C1orf74: variants seen among roughly 807,000 people sequenced by gnomAD.
C1orf74 encodes the protein chromosome 1 open reading frame 74.
Under a neutral mutation model 7.3 loss-of-function variants are expected in C1orf74, and 5 were observed. The observed-to-expected ratio is 0.68, with a 90% CI of 0.36 to 1.44. C1orf74 has a LOEUF of 1.44. Ranked by LOEUF, C1orf74 falls within the 40% of genes most tolerant of loss-of-function variation. C1orf74 has a pLI of 0.04. For missense variants in C1orf74, 291 were observed against 314.3 expected, an observed-to-expected ratio of 0.93 and a Z score of 0.56; for synonymous variants, 121 against 132.5, an observed-to-expected ratio of 0.91 and a Z score of 0.59.
rs1469224365 is a variant in C1orf74, at chr1:209,781,528, C to T, written c.*1297G>A. On this transcript the variant is annotated 3_prime_UTR_variant, in exon 2 of 2. Coordinates refer to ENST00000294811, the MANE Select transcript of C1orf74 (RefSeq NM_152485.4). The stretch of plus-strand genomic sequence containing the variant: ...ATTCCTTCTTTAACCAAGTTTTGCA[C>T]ATAAAATATATCAGCCCACGCCAAC... 3.4e-6 allele frequency: 4 copies of T among 1,185,246 alleles called. No individual in the cohort carries two copies. The highest frequency in any genetic ancestry group is 3.0e-5 in the African/African-American group (2 of 66,358). 73.4% of individuals were successfully genotyped at this position (1,185,246 alleles called of 1,614,324 possible).
chr1:209,779,808 A>T lies in C1orf74; in HGVS notation c.*3017T>A. 1 of 390,046 alleles carries T rather than the reference A, an allele frequency of 2.6e-6. No homozygotes were observed. Among genetic ancestry groups the T allele is most frequent in the East Asian group, 4.9e-5 (1 of 20,320 alleles). The allele number at this position is 390,046 out of a possible 1,614,324, so 24.2% of individuals were successfully genotyped here. On this transcript the variant is annotated 3_prime_UTR_variant, in exon 2 of 2. Transcript: ENST00000294811. ...AATTCACTGTGTATACAGAGGGGCAATAGCTCCTCACCTGTCCACTACACA... is the reference window on the plus strand; with the variant it reads ...AATTCACTGTGTATACAGAGGGGCATTAGCTCCTCACCTGTCCACTACACA...
Position 209,783,242 on chromosome 1 carries a change from C to G in C1orf74, c.393G>C (p.Gln131His). The change falls in exon 2 of 2, where the codon CAG (glutamine) becomes CAC (histidine). Residue 131 changes from glutamine (Q) to histidine (H), a missense_variant. Physicochemically the swap from Gln to His is conservative, Grantham distance 24. Coordinates refer to ENST00000294811, the MANE Select transcript of C1orf74 (RefSeq NM_152485.4). ...QRHPSVCSLDQLQDLKALVAE... is the reference protein window; with the variant it reads ...QRHPSVCSLDHLQDLKALVAE... ...CCACGAGGGCCTTCAAGTCCTGAAG[C>G]TGGTCCAGGGAGCAGACAGAAGGGT... is the stretch of plus-strand genomic sequence containing the variant. 1 of 1,614,202 alleles carries G rather than the reference C, an allele frequency of 6.2e-7. No homozygotes were observed. The highest frequency in any genetic ancestry group is 8.5e-7 in the Non-Finnish European group (1 of 1,180,040).
chr1:209,784,485 C>T lies in C1orf74; in HGVS notation c.-183G>A, dbSNP rs939755659. On this transcript the variant is annotated 5_prime_UTR_variant, in exon 1 of 2. In the 5' UTR this introduces an upstream ATG that the reference lacks. Coordinates refer to ENST00000294811, the MANE Select transcript of C1orf74 (RefSeq NM_152485.4). ...CCCCCACGCCCAGCCGCAAGTAACA[C>T]TGGAAAACCCGCCTGCGCTGGGAAG... is the stretch of plus-strand genomic sequence containing the variant. 1 of 152,274 alleles carries T rather than the reference C, an allele frequency of 6.6e-6. No individual in the cohort carries two copies. Among genetic ancestry groups the T allele is most frequent in the Non-Finnish European group, 1.5e-5 (1 of 68,052 alleles). 9.4% of individuals were successfully genotyped at this position (152,274 alleles called of 1,614,324 possible).
chr1:209,781,740 G>T lies in C1orf74; in HGVS notation c.*1085C>A, dbSNP rs1255696749. On this transcript the variant is annotated 3_prime_UTR_variant, in exon 2 of 2. Coordinates refer to ENST00000294811, the MANE Select transcript of C1orf74 (RefSeq NM_152485.4). ...TAGCCGATGATAAGCATGGTGGCAA[G>T]AACAGAAGGACACAAAAGTACTGGG... The T allele has an allele frequency of 2.1e-6, 1 of 485,098 alleles. No individual in the cohort carries two copies. The highest frequency in any genetic ancestry group is 3.7e-6 in the Non-Finnish European group (1 of 269,896). The allele number at this position is 485,098 out of a possible 1,614,324, so 30.0% of individuals were successfully genotyped here. A position where few individuals can be genotyped will look rare whatever the true frequency, so the allele number is the denominator to read the frequency against.
chr1:209,783,854 G>C (rs1365868090), intron 1 of C1orf74, 145 bp from the exon 2 acceptor site: 1 of 487,218 alleles, frequency 2.1e-6, no homozygotes, highest in Admixed American at 3.8e-5. Context: ...TGATTTTTCT[G>C]GTTGACTTGG....
In C1orf74 at chr1:209,781,461, AAG is replaced by A; in HGVS notation, c.*1362_*1363del. The A allele has an allele frequency of 6.2e-7, 1 of 1,607,386 alleles. No individual in the cohort carries two copies. Among genetic ancestry groups the A allele is most frequent in the East Asian group, 2.2e-5 (1 of 44,816 alleles). The stretch of plus-strand genomic sequence containing the variant: ...AGAGCCAGCAGCTGCCTCCCAGAGT[AAG>A]AGGGTCTCTCCTTCCCATAAAGCCC... On this transcript the variant is annotated 3_prime_UTR_variant, in exon 2 of 2. Coordinates refer to ENST00000294811, the MANE Select transcript of C1orf74 (RefSeq NM_152485.4).
In C1orf74 at chr1:209,782,232, T is replaced by C; in HGVS notation, c.*593A>G. ...CAGAAGGTTTGGGTACATTACAGCTTGGGTTTTCCAACTGACTTAGGATTT... is the reference window on the plus strand; with the variant it reads ...CAGAAGGTTTGGGTACATTACAGCTCGGGTTTTCCAACTGACTTAGGATTT... On this transcript the variant is annotated 3_prime_UTR_variant, in exon 2 of 2. Transcript: ENST00000294811. 9.1e-7 allele frequency: 1 copy of C among 1,098,744 alleles called. No individual in the cohort carries two copies. The allele number at this position is 1,098,744 out of a possible 1,614,324, so 68.1% of individuals were successfully genotyped here. A position where few individuals can be genotyped will look rare whatever the true frequency, so the allele number is the denominator to read the frequency against.
Position 209,783,304 on chromosome 1 carries a change from T to A in C1orf74, c.331A>T (p.Thr111Ser). ...CTGGAAACATCCACAAAGGCTATGG[T>A]ACCAAGCAGCACCTGCTCCAAGTGC... ...CQHLEQVLLG[T>S]IAFVDVSSCQ... The change falls in exon 2 of 2, where the codon ACC becomes TCC. Residue 111 changes from threonine (T) to serine (S), a missense_variant. By Grantham distance (58) the Thr-to-Ser change is moderately conservative. Transcript: ENST00000294811. 6.2e-7 allele frequency: 1 copy of A among 1,614,102 alleles called. No individual in the cohort carries two copies. Among genetic ancestry groups the A allele is most frequent in the Non-Finnish European group, 8.5e-7 (1 of 1,180,006 alleles).
Position 209,783,860 on chromosome 1 carries a change from C to T in C1orf74, c.-75-151G>A, listed in dbSNP as rs541635065. On this transcript the variant is annotated intron_variant, in intron 1 of 1. Coordinates refer to ENST00000294811, the MANE Select transcript of C1orf74 (RefSeq NM_152485.4). ...GATGCTGCTTGATTTTTCTGGTTGA[C>T]TTGGTCTCCCTCAATCATAAATTCG... Among the ~76,000 whole-genome samples the T allele has an allele frequency of 2.0e-5, 3 of 152,276 alleles. No individual in the cohort carries two copies. The South Asian group carries it at 6.2e-4, about 32-fold the overall frequency.
Position 209,782,264 on chromosome 1 carries a change from T to C in C1orf74, c.*561A>G. 1 of 762,666 alleles carries C rather than the reference T, an allele frequency of 1.3e-6. No individual in the cohort carries two copies. The highest frequency in any genetic ancestry group is 2.6e-5 in the East Asian group (1 of 38,870). 47.2% of individuals were successfully genotyped at this position (762,666 alleles called of 1,614,324 possible). A position where few individuals can be genotyped will look rare whatever the true frequency, so the allele number is the denominator to read the frequency against. ...TCCAACTGACTTAGGATTTCTGACT[T>C]TTTATTAATTTCTTAACCTACTGTA... On this transcript the variant is annotated 3_prime_UTR_variant, in exon 2 of 2. Coordinates refer to ENST00000294811, the MANE Select transcript of C1orf74 (RefSeq NM_152485.4).
rs1382056956 is a variant in C1orf74 at position 209,782,057 on chromosome 1, G to A, written c.*768C>T. On this transcript the variant is annotated 3_prime_UTR_variant, in exon 2 of 2. Transcript: ENST00000294811. The stretch of plus-strand genomic sequence containing the variant: ...TTCTGTCTCCCTGTCCCCCTACAGA[G>A]GCAATGTGGGCGATGGCTCCCAGTG... The A allele has an allele frequency of 4.3e-6, 7 of 1,613,558 alleles. No homozygotes were observed. The Admixed American group carries it at 5.0e-5, about 12-fold the overall frequency.
rs755560527 is a variant in C1orf74 at position 209,783,671 on chromosome 1, C to G, written c.-37G>C. ...TCCTTAGCTAGCCCGAGTTCCCTTCCCTGGGTGGCATCTTTCAGCCAGACA... is the reference window on the plus strand; with the variant it reads ...TCCTTAGCTAGCCCGAGTTCCCTTCGCTGGGTGGCATCTTTCAGCCAGACA... On this transcript the variant is annotated 5_prime_UTR_variant, in exon 2 of 2. Coordinates refer to ENST00000294811, the MANE Select transcript of C1orf74 (RefSeq NM_152485.4). The G allele has an allele frequency of 6.6e-7, 1 of 1,512,112 alleles. No individual in the cohort carries two copies. Among genetic ancestry groups the G allele is most frequent in the East Asian group, 2.3e-5 (1 of 44,056 alleles). The allele number at this position is 1,512,112 out of a possible 1,614,324, so 93.7% of individuals were successfully genotyped here.
Position 209,779,244 on chromosome 1 carries a change from C to A in C1orf74, c.*3581G>T. The A allele has an allele frequency of 7.6e-7, 1 of 1,320,624 alleles. No individual in the cohort carries two copies. The highest frequency in any genetic ancestry group is 1.1e-6 in the Non-Finnish European group (1 of 928,392). The allele number at this position is 1,320,624 out of a possible 1,614,324, so 81.8% of individuals were successfully genotyped here. ...CATATTTAATAACCAAGGTTCTAAG[C>A]AAAGTTCTGAAAAGAAAACTTTTTG... On this transcript the variant is annotated 3_prime_UTR_variant, in exon 2 of 2. Transcript: ENST00000294811.
chr1:209,782,027 C>G lies in C1orf74; in HGVS notation c.*798G>C. Reference sequence around the variant, plus strand: ...ATCTTTTCCAATCCACTCATGGCCACTTTCTTCTGTCTCCCTGTCCCCCTA... The same window carrying G: ...ATCTTTTCCAATCCACTCATGGCCAGTTTCTTCTGTCTCCCTGTCCCCCTA... On this transcript the variant is annotated 3_prime_UTR_variant, in exon 2 of 2. Coordinates refer to ENST00000294811, the MANE Select transcript of C1orf74 (RefSeq NM_152485.4). 1 of 1,594,206 alleles carries G rather than the reference C, an allele frequency of 6.3e-7. No individual in the cohort carries two copies. Among genetic ancestry groups the G allele is most frequent in the Non-Finnish European group, 8.6e-7 (1 of 1,161,882 alleles).
Position 209,779,665 on chromosome 1 carries a change from T to A in C1orf74, c.*3160A>T. On this transcript the variant is annotated 3_prime_UTR_variant, in exon 2 of 2. Coordinates refer to ENST00000294811, the MANE Select transcript of C1orf74 (RefSeq NM_152485.4). ...TTTATTTTGAACTCAGGATTTCATG[T>A]CAATTTTTACACACTTGATTTTCCA... The A allele has an allele frequency of 1.7e-6, 1 of 603,028 alleles. No individual in the cohort carries two copies. The highest frequency in any genetic ancestry group is 2.9e-6 in the Non-Finnish European group (1 of 340,408). 37.4% of individuals were successfully genotyped at this position (603,028 alleles called of 1,614,324 possible). A position where few individuals can be genotyped will look rare whatever the true frequency, so the allele number is the denominator to read the frequency against.
chr1:209,779,746 G>C lies in C1orf74; in HGVS notation c.*3079C>G. On this transcript the variant is annotated 3_prime_UTR_variant, in exon 2 of 2. Coordinates refer to ENST00000294811, the MANE Select transcript of C1orf74 (RefSeq NM_152485.4). Reference sequence around the variant, plus strand: ...CATAGCAGTCCAGAGTCAACTCACTGTTAGCCCTAGAGAGTCTACTGTCCA... The same window carrying C: ...CATAGCAGTCCAGAGTCAACTCACTCTTAGCCCTAGAGAGTCTACTGTCCA... 1 of 554,186 alleles carries C rather than the reference G, an allele frequency of 1.8e-6. No individual in the cohort carries two copies. Among genetic ancestry groups the C allele is most frequent in the Non-Finnish European group, 3.2e-6 (1 of 312,082 alleles). 34.3% of individuals were successfully genotyped at this position (554,186 alleles called of 1,614,324 possible).
In C1orf74 at chr1:209,779,446, C is replaced by A; in HGVS notation, c.*3379G>T. 1 of 1,326,990 alleles carries A rather than the reference C, an allele frequency of 7.5e-7. No homozygotes were observed. The highest frequency in any genetic ancestry group is 1.2e-5 in the South Asian group (1 of 84,508). The allele number at this position is 1,326,990 out of a possible 1,614,324, so 82.2% of individuals were successfully genotyped here. ...ACCTGCCTAGAGGCAGCGGGATGGA[C>A]TACATGACCTCCTGGAGTCCCAGCC... is the stretch of plus-strand genomic sequence containing the variant. On this transcript the variant is annotated 3_prime_UTR_variant, in exon 2 of 2. Transcript: ENST00000294811.
chr1:209,782,230 C>A lies in C1orf74; in HGVS notation c.*595G>T. 2 of 1,105,994 alleles carry A rather than the reference C, an allele frequency of 1.8e-6. No individual in the cohort carries two copies. Among genetic ancestry groups the A allele is most frequent in the Non-Finnish European group, 2.8e-6 (2 of 722,414 alleles). The allele number at this position is 1,105,994 out of a possible 1,614,324, so 68.5% of individuals were successfully genotyped here. A position where few individuals can be genotyped will look rare whatever the true frequency, so the allele number is the denominator to read the frequency against. ...CTCAGAAGGTTTGGGTACATTACAGCTTGGGTTTTCCAACTGACTTAGGAT... is the reference window on the plus strand; with the variant it reads ...CTCAGAAGGTTTGGGTACATTACAGATTGGGTTTTCCAACTGACTTAGGAT... On this transcript the variant is annotated 3_prime_UTR_variant, in exon 2 of 2. Coordinates refer to ENST00000294811, the MANE Select transcript of C1orf74 (RefSeq NM_152485.4).
In C1orf74 at chr1:209,779,294, G is replaced by C. The variant is rs776655964; in HGVS notation, c.*3531C>G. The C allele has an allele frequency of 1.2e-6, 2 of 1,612,324 alleles. No individual in the cohort carries two copies. Among genetic ancestry groups the C allele is most frequent in the East Asian group, 2.2e-5 (1 of 44,880 alleles). ...GTAGTAAATATGCTAGCATAGACAAGTTCCTTGTGTTTTCCAACAGGTTTG... is the reference window on the plus strand; with the variant it reads ...GTAGTAAATATGCTAGCATAGACAACTTCCTTGTGTTTTCCAACAGGTTTG... On this transcript the variant is annotated 3_prime_UTR_variant, in exon 2 of 2. Coordinates refer to ENST00000294811, the MANE Select transcript of C1orf74 (RefSeq NM_152485.4).
Sources: gnomAD v4.1 joint callset for allele counts (sites outside exome capture counted in the v4.1 genomes callset) on GRCh38, gnomAD v4.1.1 for gene constraint, MANE v1.5 for transcripts, NCBI Gene and HGNC (gene_info 2026-07-23, HGNC 2026-07-21) for gene names.